Variants in DSCAM observed in about 807,000 individuals in gnomAD.
The protein encoded by DSCAM is cell adhesion molecule DSCAM.
Under a neutral mutation model 217.7 loss-of-function variants are expected in DSCAM, and 47 were observed. That is an observed-to-expected ratio of 0.22 (90% confidence interval 0.17 to 0.28). DSCAM has a LOEUF of 0.28. DSCAM is among the 10% of genes least tolerant of loss of function. The probability of loss-of-function intolerance (pLI) is 1.00; values close to 1 mark genes in which losing one functional copy is unlikely to be tolerated. For synonymous variants in DSCAM, 1,056 were observed against 1,015.3 expected, an observed-to-expected ratio of 1.04 and a Z score of -0.76; for missense variants, 2,080 against 2,618.3, an observed-to-expected ratio of 0.79 and a Z score of 4.49.
intron 3 of DSCAM, 27 bp downstream of exon 3, chr21:40,692,783 C>G: frequency 6.2e-7 from 1 of 1,603,548 alleles, no homozygotes; most frequent in African/African-American, 1.3e-5. Flanking sequence ...AGCGTGGTGT[C>G]CTGCACCCTG....
chr21:40,431,860 C>T (rs1226334299), intron 3 of DSCAM, among the ~76,000 whole-genome samples: 2 of 152,118 alleles, frequency 1.3e-5, no homozygotes, highest in African/African-American at 4.8e-5. Flanking sequence ...TAATGGATTG[C>T]CACCAACTTA....
intron 1 of DSCAM, among the ~76,000 whole-genome samples, chr21:40,835,533 G>T (rs1341331842): frequency 1.3e-5 from 2 of 152,106 alleles, no homozygotes; most frequent in East Asian, 3.9e-4. Flanking sequence ...GCCTACAATG[G>T]CTTTTATACC....
intron 15 of DSCAM, among the ~76,000 whole-genome samples, chr21:40,171,079 T>A (rs1484028650): frequency 6.6e-6 from 1 of 152,170 alleles, no homozygotes; most frequent in Non-Finnish European, 1.5e-5. Context: ...TGGTCTGGTA[T>A]TTATTTTATT....
rs1375799436 is a variant in DSCAM, at chr21:40,637,178, AATAT to A, written c.508+55628_508+55631del. ...ATATATAAATATAAATATATATATA[AATAT>A]ATATAAATATAAATATATATATAAA... On this transcript the variant is annotated intron_variant, in intron 3 of 32. Coordinates refer to ENST00000400454, the MANE Select transcript of DSCAM (RefSeq NM_001389.5). Among the ~76,000 whole-genome samples the A allele has an allele frequency of 6.0e-4, 15 of 24,926 alleles. 2 individuals are homozygous for A. Among genetic ancestry groups the A allele is most frequent in the Admixed American group, 2.3e-3 (2 of 882 alleles). The allele number at this position is 24,926 out of a possible 152,430, so 16.4% of individuals were successfully genotyped here. A position where few individuals can be genotyped will look rare whatever the true frequency, so the allele number is the denominator to read the frequency against.
chr21:40,022,110 T>C (rs2088283316), intron 32 of DSCAM, among the ~76,000 whole-genome samples: 3 of 152,070 alleles, frequency 2.0e-5, no homozygotes. Flanking sequence ...CATCAAACAA[T>C]GGTTCTTGCT....
chr21:40,101,318 T>C (rs1395339013), intron 20 of DSCAM, among the ~76,000 whole-genome samples: 1 of 152,200 alleles, frequency 6.6e-6, no homozygotes, highest in Non-Finnish European at 1.5e-5. Context: ...CACTTCTCAA[T>C]TGAAAGGCTC....
At chr21:40,279,073 AAGT>A (rs1275533136) in intron 10 of DSCAM, among the ~76,000 whole-genome samples, 1 of 152,222 alleles carries the variant, frequency 6.6e-6, no homozygotes, top group Non-Finnish European at 1.5e-5. Flanking sequence ...AAATGATTCT[AAGT>A]AGAAAAAGTT....
chr21:40,687,381 G>A (rs1320888598), intron 3 of DSCAM, among the ~76,000 whole-genome samples: 2 of 151,992 alleles, frequency 1.3e-5, no homozygotes, highest in African/African-American at 2.4e-5. Flanking sequence ...TCAGGTCTCC[G>A]CAAGATAGCA....
At chr21:40,285,522 T>C (rs1169805763) in intron 10 of DSCAM, among the ~76,000 whole-genome samples, 2 of 152,154 alleles carry the variant, frequency 1.3e-5, no homozygotes, top group Non-Finnish European at 2.9e-5. Flanking sequence ...ACTGAGATGC[T>C]GATTAGGGTA....
intron 1 of DSCAM, among the ~76,000 whole-genome samples, chr21:40,835,558 C>T (rs2092049382): frequency 6.6e-6 from 1 of 152,118 alleles, no homozygotes; most frequent in Admixed American, 6.6e-5. Flanking sequence ...CCTTCTAAAG[C>T]TAAATTTCAA....
intron 10 of DSCAM, among the ~76,000 whole-genome samples, chr21:40,287,887 A>T (rs1345818571): frequency 6.6e-6 from 1 of 152,148 alleles, no homozygotes; most frequent in Non-Finnish European, 1.5e-5. Context: ...ATAATGGTGG[A>T]TTCTCTGGAG....
chr21:40,108,003 A>T (rs1040062668), intron 20 of DSCAM, among the ~76,000 whole-genome samples: 1 of 152,196 alleles, frequency 6.6e-6, no homozygotes, highest in Non-Finnish European at 1.5e-5. Context: ...TTATTGAAGG[A>T]ACACACCTCA....
intron 8 of DSCAM, among the ~76,000 whole-genome samples, chr21:40,329,053 C>G (rs2074347931): frequency 6.6e-6 from 1 of 152,150 alleles, no homozygotes; most frequent in South Asian, 2.1e-4. Flanking sequence ...AAGCTTTGTA[C>G]TGTATTGATA....
intron 3 of DSCAM, among the ~76,000 whole-genome samples, chr21:40,572,427 T>G (rs1159921948): frequency 6.6e-6 from 1 of 152,144 alleles, no homozygotes; most frequent in African/African-American, 2.4e-5. Flanking sequence ...TAAATACAAT[T>G]GTATTGATAA....
intron 3 of DSCAM, among the ~76,000 whole-genome samples, chr21:40,479,156 C>A (rs1371563805): frequency 6.6e-6 from 1 of 152,164 alleles, no homozygotes; most frequent in Non-Finnish European, 1.5e-5. Context: ...CCTATAAATT[C>A]TATTATTGTC....
intron 3 of DSCAM, among the ~76,000 whole-genome samples, chr21:40,581,272 AC>A (rs1461594757): frequency 6.6e-6 from 1 of 152,078 alleles, no homozygotes; most frequent in Non-Finnish European, 1.5e-5. Flanking sequence ...GACTGAGACC[AC>A]CTTTTGCTAG....
intron 1 of DSCAM, among the ~76,000 whole-genome samples, chr21:40,810,429 C>T (rs141684065): frequency 1.0e-3 from 154 of 152,282 alleles, no homozygotes; most frequent in African/African-American, 3.5e-3. Context: ...CAGTAGGTCC[C>T]GAGTCTGTTC....
chr21:40,619,077 A>T (rs1051351486), intron 3 of DSCAM, among the ~76,000 whole-genome samples: 5 of 152,042 alleles, frequency 3.3e-5, no homozygotes, highest in African/African-American at 2.4e-5. Flanking sequence ...AAGCAATTTT[A>T]AAAAAAACAA....
At chr21:40,402,509 T>C (rs910735399) in intron 3 of DSCAM, among the ~76,000 whole-genome samples, 1 of 152,150 alleles carries the variant, frequency 6.6e-6, no homozygotes, top group Non-Finnish European at 1.5e-5. Context: ...TGAAATTATT[T>C]CTAAATGGAG....
Sources: gnomAD v4.1 joint callset for allele counts (sites outside exome capture counted in the v4.1 genomes callset) on GRCh38, gnomAD v4.1.1 for gene constraint, MANE v1.5 for transcripts, NCBI Gene and HGNC (gene_info 2026-07-23, HGNC 2026-07-21) for gene names.